The following ATG16L1 variants were observed in gnomAD, a reference collection of about 807,000 sequenced individuals.
ATG16L1 encodes autophagy-related protein 16-1.
A neutral mutation model predicts 88.5 loss-of-function variants in ATG16L1; 37 were observed. The observed-to-expected ratio is 0.42, with a 90% CI of 0.32 to 0.55. The LOEUF (loss-of-function observed/expected upper bound fraction) is 0.55. Among genes scored for constraint, ATG16L1 ranks in the 20% least tolerant of loss-of-function variants. The pLI is 0.13. For synonymous variants in ATG16L1, 301 were observed against 281.0 expected, an observed-to-expected ratio of 1.07 and a Z score of -0.71; for missense variants, 554 against 752.8, an observed-to-expected ratio of 0.74 and a Z score of 3.09.
intron 11 of ATG16L1, among the ~76,000 whole-genome samples, 161 bp from the exon 12 acceptor site, chr2:233,282,521 C>T (rs145319929): frequency 1.3e-5 from 2 of 152,186 alleles, no homozygotes; most frequent in East Asian, 1.9e-4. Context: ...AGGAGACTGG[C>T]GAGTTGAAGC....
intron 16 of ATG16L1, 134 bp downstream of exon 16, chr2:233,292,568 A>G: frequency 2.8e-6 from 3 of 1,055,802 alleles, no homozygotes; most frequent in African/African-American, 1.6e-5. Context: ...CTGTAAGTTC[A>G]TAATTGCAGG....
Position 233,294,361 on chromosome 2 carries a change from A to C in ATG16L1, c.*11A>C. On this transcript the variant is annotated 3_prime_UTR_variant, in exon 18 of 18. Coordinates refer to ENST00000392017, the MANE Select transcript of ATG16L1 (RefSeq NM_030803.7). Reference sequence around the variant, plus strand: ...TGGGCACAGTACTGACGGGGCTCTCAGGGCTGGGAGGACCCCAGTGCCCTC... The same window carrying C: ...TGGGCACAGTACTGACGGGGCTCTCCGGGCTGGGAGGACCCCAGTGCCCTC... 6.2e-7 allele frequency: 1 copy of C among 1,609,714 alleles called. No homozygotes were observed. Among genetic ancestry groups the C allele is most frequent in the Non-Finnish European group, 8.5e-7 (1 of 1,176,960 alleles).
At chr2:233,256,292 A>AT (rs1696771559) in intron 2 of ATG16L1, 97 bp downstream of exon 2, 1 of 1,039,864 alleles carries the variant, frequency 9.6e-7, no homozygotes, top group Non-Finnish European at 1.4e-6. Flanking sequence ...ATCAAGTACT[A>AT]TTTCTGTGTT....
At chr2:233,282,916 T>C in intron 12 of ATG16L1, 163 bp downstream of exon 12, 1 of 613,758 alleles carries the variant, frequency 1.6e-6, no homozygotes, top group Non-Finnish European at 2.9e-6. Context: ...GTTTCCACTT[T>C]ATACTCTTTG....
intron 10 of ATG16L1, among the ~76,000 whole-genome samples, chr2:233,280,665 C>A (rs921583335): frequency 6.6e-6 from 1 of 152,194 alleles, no homozygotes; most frequent in African/African-American, 2.4e-5. Flanking sequence ...CAGAAATTGA[C>A]TGCCAGTTTC....
intron 1 of ATG16L1, among the ~76,000 whole-genome samples, chr2:233,252,958 C>G (rs1036123594): frequency 6.6e-6 from 1 of 152,148 alleles, no homozygotes; most frequent in African/African-American, 2.4e-5. Context: ...TGTGCAAAAT[C>G]AGTAGTTCTC....
chr2:233,261,193 G>C (rs564885262), intron 2 of ATG16L1, among the ~76,000 whole-genome samples: 98 of 152,236 alleles, frequency 6.4e-4, no homozygotes, highest in African/African-American at 2.3e-3. Flanking sequence ...CTGACCTCGT[G>C]ATCCGCCCGC....
intron 10 of ATG16L1, among the ~76,000 whole-genome samples, chr2:233,279,497 G>T (rs944096949): frequency 2.0e-5 from 3 of 152,180 alleles, no homozygotes; most frequent in Non-Finnish European, 4.4e-5. Context: ...TTACAGTTTT[G>T]TGTAGGGCCT....
At chr2:233,282,556 C>A in intron 11 of ATG16L1, 126 bp from the exon 12 acceptor site, 1 of 779,944 alleles carries the variant, frequency 1.3e-6, no homozygotes, top group Non-Finnish European at 2.2e-6. Flanking sequence ...AGCTGGTATT[C>A]AGGCTGGTTG....
chr2:233,261,650 C>T (rs1574849314), intron 2 of ATG16L1, among the ~76,000 whole-genome samples: 1 of 138,114 alleles, frequency 7.2e-6, no homozygotes, highest in Admixed American at 7.2e-5. Context: ...CAGTTCTTTC[C>T]GCTCTCATCG....
chr2:233,274,476 T>G (rs896746005), intron 8 of ATG16L1, 200 bp from the exon 9 acceptor site: 1 of 508,084 alleles, frequency 2.0e-6, no homozygotes, highest in Non-Finnish European at 3.5e-6. Context: ...GTAAGGCATG[T>G]GCTGGCTCTC....
chr2:233,289,377 A>ATGTGTG (rs56993445), intron 12 of ATG16L1, among the ~76,000 whole-genome samples: 2,985 of 129,102 alleles, frequency 0.023, 79 homozygotes, highest in African/African-American at 0.06. Flanking sequence ...CCTGTTTGGG[A>ATGTGTG]TGTGTGTGTG....
In ATG16L1 at chr2:233,291,501, C is replaced by T. The variant is rs117378524; in HGVS notation, c.1431-627C>T. 3.9e-3 allele frequency among the ~76,000 whole-genome samples: 587 copies of T among 152,222 alleles called. 8 individuals carry two copies. The highest frequency in any genetic ancestry group is 0.028 in the East Asian group (146 of 5,166). On this transcript the variant is annotated intron_variant, in intron 14 of 17. Transcript: ENST00000392017. ...AGGTAGGAAAAGGTTTCATTGAAAG[C>T]CTACAACAAAATCATCACAGAACAG...
chr2:233,270,762 A>G (rs1353067754), intron 6 of ATG16L1, among the ~76,000 whole-genome samples: 4 of 152,234 alleles, frequency 2.6e-5, no homozygotes, highest in South Asian at 2.1e-4. Flanking sequence ...TAATCTGCCT[A>G]CAAGTTAAGG....
intron 13 of ATG16L1, 129 bp downstream of exon 13, chr2:233,290,103 G>C: frequency 6.6e-7 from 1 of 1,514,054 alleles, no homozygotes; most frequent in Non-Finnish European, 9.1e-7. Flanking sequence ...GTTTAGAGGG[G>C]CACTGAGGAT....
At chr2:233,258,009 A>AG (rs1696920064) in intron 2 of ATG16L1, among the ~76,000 whole-genome samples, 1 of 124,294 alleles carries the variant, frequency 8.0e-6, no homozygotes, top group Non-Finnish European at 1.8e-5. Flanking sequence ...CTCAAAAAAA[A>AG]AAAAAAAATA....
chr2:233,252,354 C>G (rs1245581397), intron 1 of ATG16L1, among the ~76,000 whole-genome samples: 1 of 152,092 alleles, frequency 6.6e-6, no homozygotes, highest in Non-Finnish European at 1.5e-5. Context: ...AAACTTACTT[C>G]CCTTACTCCA....
chr2:233,266,001 C>G (rs1307708282), intron 5 of ATG16L1: 1 of 152,136 alleles, frequency 6.6e-6, no homozygotes, highest in East Asian at 1.9e-4. Context: ...CTTACTAAAA[C>G]CTGCAAGAGA....
In ATG16L1 at chr2:233,263,243, T is replaced by C. The variant is rs753921416; in HGVS notation, c.315+8T>C. On this transcript the variant is annotated splice_region_variant and intron_variant, in intron 3 of 17. Coordinates refer to ENST00000392017, the MANE Select transcript of ATG16L1 (RefSeq NM_030803.7). The stretch of plus-strand genomic sequence containing the variant: ...CACAAGAAACGTGGGGAGGTAAAGC[T>C]AGCCCTTTTCCTCATCTGTCTTCTG... 10 of 1,610,194 alleles carry C rather than the reference T, an allele frequency of 6.2e-6. No homozygotes were observed. The Admixed American group carries it at 1.3e-4, about 22-fold the overall frequency.
Sources: gnomAD v4.1 joint callset for allele counts (sites outside exome capture counted in the v4.1 genomes callset) on GRCh38, gnomAD v4.1.1 for gene constraint, MANE v1.5 for transcripts, NCBI Gene and HGNC (gene_info 2026-07-23, HGNC 2026-07-21) for gene names.